Variants in COBL observed in about 807,000 individuals in gnomAD.
COBL encodes protein cordon-bleu.
COBL carries 51 observed loss-of-function variants against 98.8 expected under a neutral mutation model. The ratio of observed to expected loss-of-function variants is 0.52; its 90% CI spans 0.41 to 0.65. COBL has a LOEUF of 0.65. Among genes scored for constraint, COBL ranks in the 30% least tolerant of loss-of-function variants. COBL has a pLI of 0.00. For synonymous variants in COBL, 634 were observed against 651.7 expected, an observed-to-expected ratio of 0.97 and a Z score of 0.41; for missense variants, 1,617 against 1,617.5, an observed-to-expected ratio of 1.00 and a Z score of 0.01.
At chr7:51,172,319 G>A (rs1029080907) in intron 5 of COBL, 4 of 300,968 alleles carry the variant, frequency 1.3e-5, no homozygotes, top group African/African-American at 2.2e-5. Context: ...ATCAATAGGC[G>A]GCTTTCGACT....
At chr7:51,070,932 A>C (rs1179581282) in intron 7 of COBL, 1 of 152,256 alleles carries the variant, frequency 6.6e-6, no homozygotes, top group African/African-American at 2.4e-5. Flanking sequence ...ATTATCATAT[A>C]AACTAGCTTG....
chr7:51,023,181 C>T (rs12670411), intron 12 of COBL, among the ~76,000 whole-genome samples: 1 of 152,122 alleles, frequency 6.6e-6, no homozygotes, highest in Admixed American at 6.5e-5. Flanking sequence ...TTTTTATGAC[C>T]CCTATTTAGC....
intron 1 of COBL, among the ~76,000 whole-genome samples, chr7:51,251,950 A>G (rs1796763931): frequency 6.6e-6 from 1 of 152,188 alleles, no homozygotes; most frequent in South Asian, 2.1e-4. Context: ...CCTTTAGCAC[A>G]TGTCTCCTAA....
rs562733531 is a variant in COBL at position 51,148,025 on chromosome 7, G to A, written c.784-11694C>T. Among the ~76,000 whole-genome samples the A allele has an allele frequency of 6.6e-5, 10 of 152,166 alleles. 1 individual carries two copies. The highest frequency in any genetic ancestry group is 5.2e-4 in the Admixed American group (8 of 15,288). On this transcript the variant is annotated intron_variant, in intron 5 of 12. Coordinates refer to ENST00000265136, the MANE Select transcript of COBL (RefSeq NM_015198.5). Reference sequence around the variant, plus strand: ...GATCCGCCCACCTTGGCCTCCGAAAGTGCTGGGATTACAGGTGTGAGCCAC... The same window carrying A: ...GATCCGCCCACCTTGGCCTCCGAAAATGCTGGGATTACAGGTGTGAGCCAC...
intron 6 of COBL, among the ~76,000 whole-genome samples, chr7:51,122,489 C>T (rs998475835): frequency 6.6e-6 from 1 of 152,148 alleles, no homozygotes; most frequent in African/African-American, 2.4e-5. Context: ...ACTTCTATTT[C>T]CCCAGTATTT....
intron 7 of COBL, among the ~76,000 whole-genome samples, chr7:51,065,784 G>A (rs1350245956): frequency 1.3e-5 from 2 of 152,358 alleles, no homozygotes; most frequent in Non-Finnish European, 2.9e-5. Context: ...ACTTCAGAAT[G>A]TAACATTATT....
chr7:51,031,191 T>G (rs546712637), intron 8 of COBL: 44 of 355,094 alleles, frequency 1.2e-4, no homozygotes, highest in Non-Finnish European at 2.1e-4. Flanking sequence ...GGTGTGTGTG[T>G]GGGGCCCCAA....
intron 1 of COBL, among the ~76,000 whole-genome samples, chr7:51,308,559 G>A (rs781749525): frequency 4.6e-5 from 7 of 152,178 alleles, no homozygotes; most frequent in Non-Finnish European, 1.0e-4. Context: ...TCCTCTTCCA[G>A]CTCTATGAGT....
At chr7:51,068,277 AT>A (rs1411245594) in intron 7 of COBL, among the ~76,000 whole-genome samples, 5 of 152,326 alleles carry the variant, frequency 3.3e-5, no homozygotes, top group South Asian at 4.1e-4. Context: ...ACATCCCCAC[AT>A]TTTCACTTCA....
At chr7:51,181,166 G>T (rs936133742) in intron 5 of COBL, among the ~76,000 whole-genome samples, 1 of 152,036 alleles carries the variant, frequency 6.6e-6, no homozygotes, top group African/African-American at 2.4e-5. Context: ...CAGTGACAAG[G>T]GACCCCTTGA....
intron 6 of COBL, among the ~76,000 whole-genome samples, chr7:51,129,256 T>G (rs975154149): frequency 2.0e-5 from 3 of 151,950 alleles, no homozygotes; most frequent in Non-Finnish European, 4.4e-5. Context: ...GACAGACTTG[T>G]GTCTGGAGGG....
intron 2 of COBL, among the ~76,000 whole-genome samples, chr7:51,206,808 A>T (rs777440144): frequency 6.6e-6 from 1 of 152,218 alleles, no homozygotes; most frequent in Non-Finnish European, 1.5e-5. Context: ...TTATATGTGG[A>T]ATCTAAAATA....
intron 5 of COBL, among the ~76,000 whole-genome samples, chr7:51,178,572 A>C (rs1281054539): frequency 6.6e-6 from 1 of 152,184 alleles, no homozygotes; most frequent in Non-Finnish European, 1.5e-5. Context: ...AAAAAAGAAG[A>C]GAGAGGAAGA....
intron 7 of COBL, among the ~76,000 whole-genome samples, chr7:51,067,004 A>G (rs1227257118): frequency 6.6e-6 from 1 of 152,244 alleles, no homozygotes; most frequent in African/African-American, 2.4e-5. Flanking sequence ...TAAATTAGGC[A>G]CCAAACAAGA....
At chr7:51,204,304 A>T (rs910960115) in intron 2 of COBL, among the ~76,000 whole-genome samples, 13 of 152,222 alleles carry the variant, frequency 8.5e-5, no homozygotes, top group African/African-American at 3.1e-4. Flanking sequence ...TTTAAGGTCC[A>T]TACAAAGCAA....
In COBL at chr7:51,136,171, T is replaced by A; in HGVS notation, c.944A>T (p.Lys315Met). Residue 315 changes from lysine (K) to methionine (M), a missense_variant, in exon 6 of 13, where the codon AAG becomes ATG. Around this residue, in one of 3 missense-constraint regions of COBL, gnomAD observed 1,304 missense variants for 1,282.0 expected, o/e 1.02. Coordinates refer to ENST00000265136, the MANE Select transcript of COBL (RefSeq NM_015198.5). ...PPGSGPPVQD[K>M]ASEKVSLGSQ... Reference sequence around the variant, plus strand: ...CCACTGCCCTACCTTTTCCGATGCCTTGTCTTGCACAGGTGGCCCTGAACC... The same window carrying A: ...CCACTGCCCTACCTTTTCCGATGCCATGTCTTGCACAGGTGGCCCTGAACC... 6.2e-7 allele frequency: 1 copy of A among 1,611,684 alleles called. No individual in the cohort carries two copies. Among genetic ancestry groups the A allele is most frequent in the Non-Finnish European group, 8.5e-7 (1 of 1,179,738 alleles).
intron 1 of COBL, among the ~76,000 whole-genome samples, chr7:51,301,827 CCT>C (rs2129203859): frequency 6.6e-6 from 1 of 152,344 alleles, no homozygotes; most frequent in South Asian, 2.1e-4. Context: ...GCTGGGAACC[CCT>C]GTGCATTCCT....
chr7:51,029,112 C>T lies in COBL; in HGVS notation c.1984G>A (p.Ala662Thr), dbSNP rs1787901515. ...GGTTGGGAATTCACTCTCTCTGTGGCTTGAGTCCTCTCCCCGTCAGCACAG... is the reference window on the plus strand; with the variant it reads ...GGTTGGGAATTCACTCTCTCTGTGGTTTGAGTCCTCTCCCCGTCAGCACAG... ...YGCADGERTQATERVNSQPVN... is the reference protein window; with the variant it reads ...YGCADGERTQTTERVNSQPVN... The change falls in exon 10 of 13, where the codon GCC becomes ACC. Residue 662 changes from alanine to threonine, a missense_variant. Around this residue, in one of 3 missense-constraint regions of COBL, gnomAD observed 1,304 missense variants for 1,282.0 expected, o/e 1.02. Transcript: ENST00000265136. 6.2e-7 allele frequency: 1 copy of T among 1,614,162 alleles called. No homozygotes were observed. The highest frequency in any genetic ancestry group is 8.5e-7 in the Non-Finnish European group (1 of 1,180,040).
intron 2 of COBL, among the ~76,000 whole-genome samples, chr7:51,216,725 T>C (rs574219294): frequency 8.5e-5 from 13 of 152,318 alleles, no homozygotes; most frequent in African/African-American, 2.6e-4. Context: ...ATCCAATTAC[T>C]AATGTGTTTC....
Sources: gnomAD v4.1 joint callset for allele counts (sites outside exome capture counted in the v4.1 genomes callset) on GRCh38, gnomAD v4.1.1 for gene constraint, gnomAD v4.1.1 regional missense constraint, MANE v1.5 for transcripts, NCBI Gene and HGNC (gene_info 2026-07-23, HGNC 2026-07-21) for gene names.